MMP8: variants seen among roughly 807,000 people sequenced by gnomAD.
The protein encoded by MMP8 is neutrophil collagenase.
Under a neutral mutation model 51.2 loss-of-function variants are expected in MMP8, and 67 were observed. The observed-to-expected ratio is 1.31, with a 90% CI of 1.08 to 1.60. The LOEUF is 1.60. Ranked by LOEUF, MMP8 falls within the 40% of genes most tolerant of loss-of-function variation. The pLI is 0.00. For synonymous variants in MMP8, 225 were observed against 191.0 expected (o/e 1.18, Z -1.47); for missense variants, 654 against 558.1 (o/e 1.17, Z -1.73).
Position 102,716,426 on chromosome 11 carries a change from A to C in MMP8, c.785-7T>G, listed in dbSNP as rs764052090. 5 of 1,078,152 alleles carry C rather than the reference A, an allele frequency of 4.6e-6. No homozygotes were observed. Among genetic ancestry groups the C allele is most frequent in the East Asian group, 4.4e-5 (1 of 22,726 alleles). The allele number at this position is 1,078,152 out of a possible 1,614,324, so 66.8% of individuals were successfully genotyped here. On this transcript the variant is annotated splice_polypyrimidine_tract_variant and splice_region_variant and intron_variant, in intron 5 of 9. Coordinates refer to ENST00000236826, the MANE Select transcript of MMP8 (RefSeq NM_002424.3). ...ATAGGGTTGCTTGAAAGTCCTGGAA[A>C]AAAAAAAAAAAAAAAAAAAAAGGTC...
chr11:102,716,483 T>C (rs1340490472), intron 5 of MMP8, 64 bp from the exon 6 acceptor site: 2 of 1,045,070 alleles, frequency 1.9e-6, no homozygotes, highest in Non-Finnish European at 2.8e-6. Context: ...GTGTGACTCT[T>C]GGGTACATCA....
intron 5 of MMP8, among the ~76,000 whole-genome samples, chr11:102,718,200 G>A (rs551772316): frequency 6.6e-6 from 1 of 152,216 alleles, no homozygotes; most frequent in South Asian, 2.1e-4. Context: ...GGGAAGCACT[G>A]TAGTGCATTT....
At chr11:102,714,994 T>C (rs1403547262) in intron 7 of MMP8, among the ~76,000 whole-genome samples, 1 of 152,026 alleles carries the variant, frequency 6.6e-6, no homozygotes, top group African/African-American at 2.4e-5. Context: ...GTGACTTTTA[T>C]GCAGAAACCA....
In MMP8 at chr11:102,718,489, G is replaced by T. The variant is rs1463569460; in HGVS notation, c.709C>A (p.Pro237Thr). The change falls in exon 5 of 10, where the codon CCC becomes ACC. Residue 237 changes from proline (P) to threonine (T), a missense_variant. By Grantham distance (38) the Pro-to-Thr change is conservative. Coordinates refer to ENST00000236826, the MANE Select transcript of MMP8 (RefSeq NM_002424.3). ...CTGGTTTCCCTGAAAGCATAGTTGG[G>T]ATACATCAAGGCACCAGGGTCAGAG... ...HSSDPGALMY[P>T]NYAFRETSNY... The T allele has an allele frequency of 6.2e-7, 1 of 1,613,852 alleles. No homozygotes were observed. The highest frequency in any genetic ancestry group is 1.1e-5 in the South Asian group (1 of 91,060).
At chr11:102,720,213 T>C (rs1301910948) in intron 4 of MMP8, among the ~76,000 whole-genome samples, 1 of 152,210 alleles carries the variant, frequency 6.6e-6, no homozygotes, top group Non-Finnish European at 1.5e-5. Flanking sequence ...TGGTGCAGAA[T>C]GTGTAAACAT....
At position 102,721,704 on chromosome 11, in the gene MMP8, C is replaced by A; in HGVS notation, c.406G>T (p.Ala136Ser). ...EAEVERAIKD[A>S]FELWSVASPL... ...GATGCAACACTCCAGAGTTCAAAGGCATCCTTGATAGCTCTTTCTACCTCA... is the reference window on the plus strand; with the variant it reads ...GATGCAACACTCCAGAGTTCAAAGGAATCCTTGATAGCTCTTTCTACCTCA... Residue 136 changes from alanine (A) to serine (S), a missense_variant, in exon 3 of 10, where the codon GCC (alanine) becomes TCC (serine). Transcript: ENST00000236826. The A allele has an allele frequency of 1.2e-6, 2 of 1,613,814 alleles. No individual in the cohort carries two copies. The highest frequency in any genetic ancestry group is 1.7e-6 in the Non-Finnish European group (2 of 1,179,834).
At chr11:102,724,337 A>G (rs1861557382) in intron 1 of MMP8, among the ~76,000 whole-genome samples, 1 of 152,202 alleles carries the variant, frequency 6.6e-6, no homozygotes, top group African/African-American at 2.4e-5. Context: ...CCATCCTCAC[A>G]TTATTTTCTA....
intron 4 of MMP8, 68 bp from the exon 5 acceptor site, chr11:102,718,643 G>T (rs533959974): frequency 3.6e-5 from 57 of 1,579,546 alleles, no homozygotes; most frequent in Non-Finnish European, 4.9e-5. Context: ...ATGATCTCAA[G>T]GAATGCAACC....
chr11:102,716,424 A>C lies in MMP8; in HGVS notation c.785-5T>G. The C allele has an allele frequency of 9.4e-6, 3 of 317,872 alleles. No homozygotes were observed. Among genetic ancestry groups the C allele is most frequent in the Non-Finnish European group, 1.3e-5 (3 of 234,024 alleles). 19.7% of individuals were successfully genotyped at this position (317,872 alleles called of 1,614,324 possible). A position where few individuals can be genotyped will look rare whatever the true frequency, so the allele number is the denominator to read the frequency against. On this transcript the variant is annotated splice_polypyrimidine_tract_variant and splice_region_variant and intron_variant, in intron 5 of 9. Transcript: ENST00000236826. Reference sequence around the variant, plus strand: ...GGATAGGGTTGCTTGAAAGTCCTGGAAAAAAAAAAAAAAAAAAAAAAAAGG... The same window carrying C: ...GGATAGGGTTGCTTGAAAGTCCTGGCAAAAAAAAAAAAAAAAAAAAAAAGG...
At chr11:102,720,270 A>G (rs1246827466) in intron 4 of MMP8, among the ~76,000 whole-genome samples, 1 of 152,226 alleles carries the variant, frequency 6.6e-6, no homozygotes, top group African/African-American at 2.4e-5. Flanking sequence ...TGGGCTTCCA[A>G]AAACAAACCC....
chr11:102,713,563 A>G, intron 9 of MMP8, 106 bp from the exon 10 acceptor site: 1 of 1,085,226 alleles, frequency 9.2e-7, no homozygotes, highest in Non-Finnish European at 1.3e-6. Context: ...AAATGCAAAC[A>G]TGCTATTTAA....
intron 7 of MMP8, 136 bp from the exon 8 acceptor site, chr11:102,714,845 A>C (rs1270004846): frequency 4.0e-6 from 1 of 251,816 alleles, no homozygotes; most frequent in Non-Finnish European, 7.0e-6. Context: ...AAAATGGAAC[A>C]AATAGTCTTT....
chr11:102,718,299 G>C, intron 5 of MMP8, 115 bp downstream of exon 5: 1 of 1,097,078 alleles, frequency 9.1e-7, no homozygotes, highest in Non-Finnish European at 1.3e-6. Flanking sequence ...GGGAAATTCA[G>C]AGTTCAGTTT....
Position 102,718,434 on chromosome 11 carries a change from T to C in MMP8, c.764A>G (p.Asp255Gly), listed in dbSNP as rs760385140. The change falls in exon 5 of 10, where the codon GAT becomes GGT. Residue 255 changes from aspartate to glycine, a missense_variant. By Grantham distance (94) the Asp-to-Gly change is moderately conservative. Transcript: ENST00000236826. ...SNYSLPQDDI[D>G]GIQAIYGLSS... Reference sequence around the variant, plus strand: ...CTTACCATAGATGGCCTGAATGCCATCGATGTCATCTTGAGGGAGTGAGTA... The same window carrying C: ...CTTACCATAGATGGCCTGAATGCCACCGATGTCATCTTGAGGGAGTGAGTA... The C allele has an allele frequency of 6.2e-7, 1 of 1,612,468 alleles. No homozygotes were observed. The highest frequency in any genetic ancestry group is 1.1e-5 in the South Asian group (1 of 90,768).
Position 102,724,738 on chromosome 11 carries a change from C to A in MMP8, c.102+16G>T. Reference sequence around the variant, plus strand: ...AATCAGCAAATCAAACATCACCTAACTGATAGTTCATTTACCTGAACAGTT... The same window carrying A: ...AATCAGCAAATCAAACATCACCTAAATGATAGTTCATTTACCTGAACAGTT... On this transcript the variant is annotated intron_variant, in intron 1 of 9. Coordinates refer to ENST00000236826, the MANE Select transcript of MMP8 (RefSeq NM_002424.3). 1 of 1,576,904 alleles carries A rather than the reference C, an allele frequency of 6.3e-7. No individual in the cohort carries two copies. Among genetic ancestry groups the A allele is most frequent in the Non-Finnish European group, 8.6e-7 (1 of 1,156,818 alleles).
Position 102,714,678 on chromosome 11 carries a change from A to G in MMP8, c.1068T>C (p.Asp356=), listed in dbSNP as rs1284244372. ...GNQYWALSGY[D]ILQGYPKDIS... is the part of the protein sequence containing the mutation. ...TATCCTTGGGATAACCTTGCAGAAT[A>G]TCATAGCCACTCAGAGCCCAGTATT... is the stretch of plus-strand genomic sequence containing the variant. The change falls in exon 8 of 10, where the codon GAT becomes GAC. Residue 356 remains aspartate, a synonymous_variant. Coordinates refer to ENST00000236826, the MANE Select transcript of MMP8 (RefSeq NM_002424.3). 2 of 1,540,378 alleles carry G rather than the reference A, an allele frequency of 1.3e-6. No individual in the cohort carries two copies. The highest frequency in any genetic ancestry group is 1.4e-5 in the African/African-American group (1 of 70,602).
At chr11:102,716,256 T>C in intron 6 of MMP8, 46 bp downstream of exon 6, 3 of 1,295,848 alleles carry the variant, frequency 2.3e-6, no homozygotes. Flanking sequence ...AGTTTTAAGG[T>C]ATGTCAGTAA....
At chr11:102,721,318 T>TTGTGTGTGTG (rs5794191) in intron 4 of MMP8, 83 bp downstream of exon 4, 32 of 1,353,454 alleles carry the variant, frequency 2.4e-5, no homozygotes, top group African/African-American at 2.1e-4. Context: ...GTTACCTTTA[T>TTGTGTGTGTG]TGTGTGTGTG....
chr11:102,716,247 G>C, intron 6 of MMP8, 55 bp downstream of exon 6: 29 of 1,262,800 alleles, frequency 2.3e-5, no homozygotes, highest in East Asian at 7.1e-5. Context: ...TTTGAATCCA[G>C]TTTTAAGGTA....
Sources: allele counts gnomAD v4.1 joint callset (sites outside exome capture counted in the v4.1 genomes callset), GRCh38; gene constraint gnomAD v4.1.1; transcripts MANE v1.5; gene names NCBI Gene and HGNC (gene_info 2026-07-23, HGNC 2026-07-21).